DYNC1I1: variants seen among roughly 807,000 people sequenced by gnomAD.
DYNC1I1 encodes dynein cytoplasmic 1 intermediate chain 1, also known as cytoplasmic dynein 1 intermediate chain 1.
DYNC1I1 carries 43 observed loss-of-function variants against 86.6 expected under a neutral mutation model. The ratio of observed to expected loss-of-function variants is 0.50; its 90% CI spans 0.39 to 0.64. The LOEUF is 0.64. Among genes scored for constraint, DYNC1I1 ranks in the 30% least tolerant of loss-of-function variants. The probability of loss-of-function intolerance (pLI) is 0.00; values close to 1 mark genes in which losing one functional copy is unlikely to be tolerated. For missense variants in DYNC1I1, 604 were observed against 788.8 expected (o/e 0.77, Z 2.81); for synonymous variants, 262 against 283.7 (o/e 0.92, Z 0.77).
chr7:96,061,835 T>A (rs1315516590), intron 14 of DYNC1I1, among the ~76,000 whole-genome samples: 1 of 152,108 alleles, frequency 6.6e-6, no homozygotes, highest in African/African-American at 2.4e-5. Flanking sequence ...AAAGTCACAT[T>A]TTCGTCAAGT....
intron 14 of DYNC1I1, among the ~76,000 whole-genome samples, chr7:96,059,930 T>C (rs1468123300): frequency 6.6e-6 from 1 of 152,158 alleles, no homozygotes; most frequent in African/African-American, 2.4e-5. Flanking sequence ...GCCTACTAAG[T>C]GGCTTAGACT....
At chr7:96,020,557 A>G (rs1025157499) in intron 10 of DYNC1I1, among the ~76,000 whole-genome samples, 5 of 152,086 alleles carry the variant, frequency 3.3e-5, no homozygotes, top group African/African-American at 7.2e-5. Flanking sequence ...TTGAGTGGGG[A>G]CACAGTCAAA....
At chr7:95,825,698 C>T (rs1357596939) in intron 4 of DYNC1I1, among the ~76,000 whole-genome samples, 1 of 152,144 alleles carries the variant, frequency 6.6e-6, no homozygotes, top group Non-Finnish European at 1.5e-5. Flanking sequence ...CCCAGACATT[C>T]TGGCTTAATT....
At position 96,097,823 on chromosome 7, in the gene DYNC1I1, A is replaced by G; in HGVS notation, c.*230A>G. 1.6e-6 allele frequency: 2 copies of G among 1,258,788 alleles called. No homozygotes were observed. Among genetic ancestry groups the G allele is most frequent in the Non-Finnish European group, 1.0e-6 (1 of 996,564 alleles). The allele number at this position is 1,258,788 out of a possible 1,614,324, so 78.0% of individuals were successfully genotyped here. A position where few individuals can be genotyped will look rare whatever the true frequency, so the allele number is the denominator to read the frequency against. On this transcript the variant is annotated 3_prime_UTR_variant, in exon 17 of 17. Coordinates refer to ENST00000447467, the MANE Select transcript of DYNC1I1 (RefSeq NM_001135556.2). ...TCTTTATATTTCTGTCTCAAAAATGAAGAGAAGGGGGTTATGGGTTAAGTT... is the reference window on the plus strand; with the variant it reads ...TCTTTATATTTCTGTCTCAAAAATGGAGAGAAGGGGGTTATGGGTTAAGTT...
intron 6 of DYNC1I1, among the ~76,000 whole-genome samples, chr7:95,972,820 G>T (rs1326435177): frequency 6.6e-6 from 1 of 152,182 alleles, no homozygotes; most frequent in East Asian, 1.9e-4. Context: ...TGCATAATAT[G>T]TAGTTACTCA....
At chr7:95,780,914 G>A (rs189087928) in intron 1 of DYNC1I1, among the ~76,000 whole-genome samples, 2 of 151,984 alleles carry the variant, frequency 1.3e-5, no homozygotes, top group African/African-American at 2.4e-5. Flanking sequence ...ACGACCGTGC[G>A]TCTACTGTTT....
At chr7:95,867,622 G>A (rs539337794) in intron 5 of DYNC1I1, among the ~76,000 whole-genome samples, 142 of 152,278 alleles carry the variant, frequency 9.3e-4, no homozygotes, top group Non-Finnish European at 1.5e-3. Context: ...TGCAGCTTAC[G>A]TCATGTTAGC....
At chr7:95,807,915 G>GT (rs1277428916) in intron 2 of DYNC1I1, among the ~76,000 whole-genome samples, 1 of 152,052 alleles carries the variant, frequency 6.6e-6, no homozygotes. Flanking sequence ...TGTTGTTGTT[G>GT]TTGTTTGTTT....
Position 96,097,473 on chromosome 7 carries a change from T to C in DYNC1I1, c.1777-10T>C. 6.2e-7 allele frequency: 1 copy of C among 1,613,554 alleles called. No individual in the cohort carries two copies. The highest frequency in any genetic ancestry group is 8.5e-7 in the Non-Finnish European group (1 of 1,179,598). On this transcript the variant is annotated splice_polypyrimidine_tract_variant and intron_variant, in intron 16 of 16. Transcript: ENST00000447467. ...CTTGTTCATCATTTCTCCATTGATT[T>C]GCTTTGCAGCTTGCAGTTCCCCACA...
At chr7:95,930,339 T>C (rs921729540) in intron 6 of DYNC1I1, among the ~76,000 whole-genome samples, 2 of 152,244 alleles carry the variant, frequency 1.3e-5, no homozygotes, top group African/African-American at 2.4e-5. Flanking sequence ...GGTGTCTTAA[T>C]TTCCAGCATA....
chr7:95,841,442 A>C (rs780634491), intron 5 of DYNC1I1, among the ~76,000 whole-genome samples: 16,280 of 152,152 alleles, frequency 0.11, 990 homozygotes, highest in African/African-American at 0.16. Context: ...TTGGTAAAAT[A>C]AGCTGGCAGG....
At chr7:96,092,656 A>G (rs1790881032) in intron 16 of DYNC1I1, among the ~76,000 whole-genome samples, 1 of 152,164 alleles carries the variant, frequency 6.6e-6, no homozygotes, top group South Asian at 2.1e-4. Context: ...CCGGGTTCAG[A>G]GGCAGCCTCC....
intron 6 of DYNC1I1, among the ~76,000 whole-genome samples, chr7:95,892,964 A>G (rs1439950973): frequency 6.6e-6 from 1 of 152,236 alleles, no homozygotes; most frequent in Non-Finnish European, 1.5e-5. Flanking sequence ...TTTATTATAA[A>G]GTAATAAATA....
intron 15 of DYNC1I1, among the ~76,000 whole-genome samples, chr7:96,077,867 C>T (rs1014281511): frequency 2.6e-5 from 4 of 152,110 alleles, no homozygotes; most frequent in Non-Finnish European, 5.9e-5. Flanking sequence ...TTTCCCTTCT[C>T]TTTCTCTAGA....
intron 16 of DYNC1I1, among the ~76,000 whole-genome samples, chr7:96,107,724 G>T (rs972164073): frequency 1.3e-5 from 2 of 151,738 alleles, no homozygotes; most frequent in Non-Finnish European, 2.9e-5. Context: ...TAGAGACAGG[G>T]TTTCACCATG....
intron 6 of DYNC1I1, among the ~76,000 whole-genome samples, chr7:95,891,239 A>G (rs1246623659): frequency 6.6e-6 from 1 of 152,208 alleles, no homozygotes; most frequent in Non-Finnish European, 1.5e-5. Flanking sequence ...CCCCAAGACT[A>G]CGAAGAAATA....
At chr7:95,803,499 T>C (rs950992289) in intron 1 of DYNC1I1, among the ~76,000 whole-genome samples, 25 of 152,358 alleles carry the variant, frequency 1.6e-4, no homozygotes, top group Middle Eastern at 6.8e-3. Context: ...CAGAAATGTG[T>C]ATAGTAGAAA....
intron 10 of DYNC1I1, among the ~76,000 whole-genome samples, chr7:96,017,974 T>C (rs1794442294): frequency 6.6e-6 from 1 of 152,178 alleles, no homozygotes; most frequent in Non-Finnish European, 1.5e-5. Context: ...CAGCAGGAAG[T>C]ACCCACCTCA....
At chr7:95,916,759 A>G (rs1283097313) in intron 6 of DYNC1I1, among the ~76,000 whole-genome samples, 1 of 152,158 alleles carries the variant, frequency 6.6e-6, no homozygotes, top group African/African-American at 2.4e-5. Context: ...TGCACAAAAA[A>G]TGGCCAGTAG....
Sources: allele counts gnomAD v4.1 joint callset (sites outside exome capture counted in the v4.1 genomes callset), GRCh38; gene constraint gnomAD v4.1.1; transcripts MANE v1.5; gene names NCBI Gene and HGNC (gene_info 2026-07-23, HGNC 2026-07-21).